MYO9B: variants seen among roughly 807,000 people sequenced by gnomAD.
MYO9B encodes the protein myosin IXB, also known as unconventional myosin-IXb.
MYO9B carries 71 observed loss-of-function variants against 229.5 expected under a neutral mutation model. That is an observed-to-expected ratio of 0.31 (90% CI 0.26 to 0.38). The LOEUF (loss-of-function observed/expected upper bound fraction) is 0.38. Among genes scored for constraint, MYO9B ranks in the 10% least tolerant of loss-of-function variants. MYO9B has a pLI of 1.00. For missense variants in MYO9B, 2,255 were observed against 2,920.5 expected, an observed-to-expected ratio of 0.77 and a Z score of 5.25; for synonymous variants, 1,185 against 1,235.8, an observed-to-expected ratio of 0.96 and a Z score of 0.86.
At chr19:17,196,932 G>A (rs983559343) in intron 22 of MYO9B, among the ~76,000 whole-genome samples, 1 of 151,760 alleles carries the variant, frequency 6.6e-6, no homozygotes, top group South Asian at 2.1e-4. Flanking sequence ...TAGATGATAG[G>A]TAGATTATGG....
chr19:17,172,331 C>T lies in MYO9B; in HGVS notation c.1794-5C>T. The stretch of plus-strand genomic sequence containing the variant: ...GCCTGCAAAGGTTCCATGTTCTGTT[C>T]CCAGCTTCCCCCACGCCACGAGCCA... On this transcript the variant is annotated splice_region_variant and splice_polypyrimidine_tract_variant and intron_variant, in intron 11 of 39. Transcript: ENST00000682292. The surrounding 1 kb of genome is among the most constrained non-coding windows in gnomAD (Gnocchi z 8.2). The T allele has an allele frequency of 6.2e-7, 1 of 1,613,770 alleles. No homozygotes were observed. The highest frequency in any genetic ancestry group is 8.5e-7 in the Non-Finnish European group (1 of 1,179,772).
rs1390322669 is a variant in MYO9B, at chr19:17,198,169, T to C, written c.4114-15T>C. 2.5e-6 allele frequency: 4 copies of C among 1,613,226 alleles called. No individual in the cohort carries two copies. Among genetic ancestry groups the C allele is most frequent in the East Asian group, 4.5e-5 (2 of 44,876 alleles). ...CAGCCTTTCCTTAGCAGCCCCCCAC[T>C]GCACCGTCTTGCAGCCTGCAGCAGA... On this transcript the variant is annotated splice_polypyrimidine_tract_variant and intron_variant, in intron 23 of 39. Transcript: ENST00000682292.
chr19:17,130,534 G>C (rs111423781), intron 2 of MYO9B, among the ~76,000 whole-genome samples: 32,978 of 151,756 alleles, frequency 0.22, 3,752 homozygotes, highest in African/African-American at 0.24. Flanking sequence ...GCAGGAGAAT[G>C]GCGTGAACCC....
chr19:17,127,931 A>AT (rs770353925), intron 2 of MYO9B, among the ~76,000 whole-genome samples: 12 of 152,162 alleles, frequency 7.9e-5, no homozygotes, highest in Non-Finnish European at 1.6e-4. Context: ...TAAGGCAGAG[A>AT]TTTTTCCAAA....
At chr19:17,208,827 A>C (rs1243297237) in intron 35 of MYO9B, among the ~76,000 whole-genome samples, 1 of 152,080 alleles carries the variant, frequency 6.6e-6, no homozygotes, top group African/African-American at 2.4e-5. Flanking sequence ...CACAGAGCTC[A>C]CCCAACCTGA....
Position 17,194,757 on chromosome 19 carries a change from C to A in MYO9B, c.3330C>A (p.Pro1110=), listed in dbSNP as rs777370496. The change falls in exon 22 of 40, where the codon CCC becomes CCA. Residue 1110 remains proline, a synonymous_variant. Transcript: ENST00000682292. The part of the protein sequence containing the change: ...EPEVQPSDRS[P]LEHSSPEKEA... ...AGGTGCAGCCAAGTGACAGGTCCCC[C>A]CTAGAGCACTCCTCACCTGAGAAGG... 12 of 1,613,226 alleles carry A rather than the reference C, an allele frequency of 7.4e-6. No homozygotes were observed. The highest frequency in any genetic ancestry group is 9.3e-6 in the Non-Finnish European group (11 of 1,179,878).
At chr19:17,176,359 C>T (rs559013664) in intron 14 of MYO9B, among the ~76,000 whole-genome samples, 2 of 151,734 alleles carry the variant, frequency 1.3e-5, no homozygotes, top group Non-Finnish European at 1.5e-5. Flanking sequence ...TTAGTAGAGA[C>T]GGAGTTACTC....
intron 8 of MYO9B, among the ~76,000 whole-genome samples, chr19:17,161,610 G>A (rs987092878): frequency 6.6e-6 from 1 of 152,030 alleles, no homozygotes; most frequent in African/African-American, 2.4e-5. Context: ...GAGGCCATGA[G>A]TTCGAGACCA....
At chr19:17,201,522 C>A (rs1321491956) in intron 26 of MYO9B, among the ~76,000 whole-genome samples, 3 of 152,130 alleles carry the variant, frequency 2.0e-5, no homozygotes, top group Non-Finnish European at 4.4e-5. Context: ...GGGTGTTGAG[C>A]CCCTGTGTGG....
rs1384749896 is a variant in MYO9B at position 17,172,133 on chromosome 19, A to G, written c.1794-203A>G. Among the ~76,000 whole-genome samples the G allele has an allele frequency of 6.6e-6, 1 of 152,072 alleles. No individual in the cohort carries two copies. The highest frequency in any genetic ancestry group is 1.5e-5 in the Non-Finnish European group (1 of 68,000). On this transcript the variant is annotated intron_variant, in intron 11 of 39. Coordinates refer to ENST00000682292, the MANE Select transcript of MYO9B (RefSeq NM_004145.4). The surrounding 1 kb of genome is among the most constrained non-coding windows in gnomAD (Gnocchi z 8.2). ...CCAGCCCTCTGCCAGCATGTTCGGC[A>G]TGAGGCAGGCAGGCGCACTGTCATT...
intron 11 of MYO9B, among the ~76,000 whole-genome samples, chr19:17,169,146 C>T (rs976724301): frequency 1.2e-4 from 18 of 151,740 alleles, no homozygotes; most frequent in East Asian, 9.7e-4. Context: ...CCGAGGCAGG[C>T]GGATCACCTG....
intron 18 of MYO9B, among the ~76,000 whole-genome samples, chr19:17,186,601 G>T (rs549940016): frequency 6.6e-6 from 1 of 152,242 alleles, no homozygotes; most frequent in African/African-American, 2.4e-5. Flanking sequence ...CTGCTCGTGG[G>T]CTGTGCCAGC....
chr19:17,108,769 T>C (rs1325147467), intron 2 of MYO9B, among the ~76,000 whole-genome samples: 8 of 152,304 alleles, frequency 5.3e-5, no homozygotes, highest in Non-Finnish European at 1.0e-4. Context: ...CAGGCTGGAG[T>C]GCAGTGGCAC....
At chr19:17,180,817 C>T in intron 14 of MYO9B, 110 bp from the exon 15 acceptor site, 1 of 655,410 alleles carries the variant, frequency 1.5e-6, no homozygotes, top group South Asian at 1.9e-5. Context: ...CATGTTTTGG[C>T]TTCAGTGGCC....
At chr19:17,170,697 A>G (rs1408359485) in intron 11 of MYO9B, among the ~76,000 whole-genome samples, 1 of 147,742 alleles carries the variant, frequency 6.8e-6, no homozygotes, top group Non-Finnish European at 1.5e-5. Context: ...AGTGGCATGC[A>G]CCTATAGTCC....
At chr19:17,106,491 G>A (rs188548981) in intron 2 of MYO9B, among the ~76,000 whole-genome samples, 7 of 152,350 alleles carry the variant, frequency 4.6e-5, no homozygotes, top group Admixed American at 3.9e-4. Flanking sequence ...GGCCGCCCTG[G>A]CGTCATCCCA....
rs1178774244 is a variant in MYO9B at position 17,207,161 on chromosome 19, C to G, written c.5541C>G (p.Ala1847=). The change falls in exon 35 of 40, where the codon GCC becomes GCG. Residue 1847 remains alanine, a synonymous_variant. Transcript: ENST00000682292. ...ACCGCATGTCACCTGGGGCGCTGGC[C>G]ATTATCTTCGCACCCTGCCTCCTGC... The part of the protein sequence containing the change: ...DVNRMSPGAL[A]IIFAPCLLRC... The G allele has an allele frequency of 1.2e-6, 2 of 1,608,700 alleles. No individual in the cohort carries two copies. The highest frequency in any genetic ancestry group is 4.5e-5 in the East Asian group (2 of 44,530).
chr19:17,140,101 G>C (rs1022345018), intron 2 of MYO9B, among the ~76,000 whole-genome samples: 3 of 152,188 alleles, frequency 2.0e-5, no homozygotes, highest in African/African-American at 7.2e-5. Flanking sequence ...TGGATGCATG[G>C]ATGGAAACAT....
intron 2 of MYO9B, among the ~76,000 whole-genome samples, chr19:17,134,830 C>A (rs1227924931): frequency 6.6e-6 from 1 of 152,092 alleles, no homozygotes; most frequent in Non-Finnish European, 1.5e-5. Context: ...GTAGCACGAT[C>A]TCGGCTCACT....
Sources: allele counts gnomAD v4.1 joint callset (sites outside exome capture counted in the v4.1 genomes callset), GRCh38; gene constraint gnomAD v4.1.1; non-coding constraint Gnocchi (gnomAD v3.1); transcripts MANE v1.5; gene names NCBI Gene and HGNC (gene_info 2026-07-23, HGNC 2026-07-21).